CERKL: variants seen among roughly 807,000 people sequenced by gnomAD.
CERKL encodes the protein CERK like autophagy regulator.
CERKL carries 61 observed loss-of-function variants against 63.4 expected under a neutral mutation model. The ratio of observed to expected loss-of-function variants is 0.96; its 90% confidence interval spans 0.78 to 1.19. The LOEUF is 1.19. Ranked by LOEUF, CERKL falls within the 50% of genes most tolerant of loss-of-function variation. The pLI, the probability that CERKL is intolerant of heterozygous loss-of-function variation, is 0.00. For missense variants in CERKL, 675 were observed against 655.5 expected (o/e 1.03, Z -0.33); for synonymous variants, 250 against 230.5 (o/e 1.08, Z -0.77).
intron 2 of CERKL, among the ~76,000 whole-genome samples, chr2:181,574,348 T>C (rs1158908714): frequency 6.6e-6 from 1 of 152,200 alleles, no homozygotes; most frequent in African/African-American, 2.4e-5. Context: ...CCTGACCTAC[T>C]GATGAGTCCA....
rs1574077394 is a variant in CERKL at position 181,656,823 on chromosome 2, C to G, written c.184G>C (p.Val62Leu). 6.2e-6 allele frequency: 10 copies of G among 1,600,564 alleles called. No homozygotes were observed. Among genetic ancestry groups the G allele is most frequent in the Non-Finnish European group, 8.5e-6 (10 of 1,171,046 alleles). The stretch of plus-strand genomic sequence containing the variant: ...CACCGCAGTGCTCGCTCGCTCAGCA[C>G]CACGTCACAACTGTCCCTCCCGATC... ...FEIGRDSCDV[V>L]LSERALRWRP... The change falls in exon 1 of 13, where the codon GTG becomes CTG. Residue 62 changes from valine (V) to leucine (L), a missense_variant. By Grantham distance (32) the Val-to-Leu change is conservative (BLOSUM62 1). Transcript: ENST00000410087.
chr2:181,538,269 T>TCAA, intron 12 of CERKL, 25 bp from the exon 13 acceptor site: 1 of 1,441,698 alleles, frequency 6.9e-7, no homozygotes, highest in South Asian at 1.1e-5. Context: ...CATTATTTCA[T>TCAA]CAACTTATTT....
In CERKL at chr2:181,538,157, T is replaced by A. The variant is rs1355099052; in HGVS notation, c.*27A>T. The A allele has an allele frequency of 1.4e-6, 2 of 1,439,654 alleles. No individual in the cohort carries two copies. Among genetic ancestry groups the A allele is most frequent in the Admixed American group, 3.4e-5 (2 of 59,444 alleles). The allele number at this position is 1,439,654 out of a possible 1,614,324, so 89.2% of individuals were successfully genotyped here. A position where few individuals can be genotyped will look rare whatever the true frequency, so the allele number is the denominator to read the frequency against. ...TTCTTTATATTAAAATTCTAGTTTG[T>A]ACATTTCTTTTAGAAACAATTACAT... On this transcript the variant is annotated 3_prime_UTR_variant, in exon 13 of 13. Transcript: ENST00000410087.
Position 181,549,697 on chromosome 2 carries a change from C to T in CERKL, c.832G>A (p.Val278Ile). 1 of 1,611,230 alleles carries T rather than the reference C, an allele frequency of 6.2e-7. No individual in the cohort carries two copies. Among genetic ancestry groups the T allele is most frequent in the Non-Finnish European group, 8.5e-7 (1 of 1,177,654 alleles). ...ACTCCATGAAGAGAATGTGCCAATA[C>T]ATTGGTAGATCCTGCCAAAGCAATT... ...LGLIPAGSTN[V>I]LAHSLHGVPH... Residue 278 changes from valine to isoleucine, a missense_variant, in exon 6 of 13, where the codon GTA becomes ATA. Physicochemically the swap from Val to Ile is conservative, Grantham distance 29. Coordinates refer to ENST00000410087, the MANE Select transcript of CERKL (RefSeq NM_201548.5).
intron 1 of CERKL, among the ~76,000 whole-genome samples, chr2:181,613,145 T>C (rs1686044382): frequency 6.6e-6 from 1 of 152,192 alleles, no homozygotes; most frequent in Admixed American, 6.6e-5. Context: ...TTTATACCTT[T>C]AACCATCATC....
At chr2:181,651,694 A>G (rs1171953154) in intron 1 of CERKL, among the ~76,000 whole-genome samples, 3 of 152,200 alleles carry the variant, frequency 2.0e-5, no homozygotes, top group Non-Finnish European at 4.4e-5. Flanking sequence ...AGAAAGAAGT[A>G]ACGAGCATCC....
chr2:181,639,016 G>C (rs1403458811), intron 1 of CERKL, among the ~76,000 whole-genome samples: 1 of 152,118 alleles, frequency 6.6e-6, no homozygotes, highest in Non-Finnish European at 1.5e-5. Flanking sequence ...CTGTGGATGA[G>C]AAAATTTAAA....
intron 10 of CERKL, 128 bp from the exon 11 acceptor site, chr2:181,544,924 C>T: frequency 5.5e-6 from 3 of 549,916 alleles, no homozygotes; most frequent in Non-Finnish European, 9.6e-6. Flanking sequence ...GATAAATCAC[C>T]ATGTTACGTT....
intron 1 of CERKL, among the ~76,000 whole-genome samples, chr2:181,645,820 A>AAATGTGC (rs1405564278): frequency 6.6e-6 from 1 of 152,240 alleles, no homozygotes; most frequent in Non-Finnish European, 1.5e-5. Context: ...ACTCTAATAT[A>AAATGTGC]AATGTGCCAT....
intron 1 of CERKL, among the ~76,000 whole-genome samples, chr2:181,651,238 CA>C (rs1687925247): frequency 6.6e-6 from 1 of 152,156 alleles, no homozygotes; most frequent in Non-Finnish European, 1.5e-5. Context: ...AACTATAGTA[CA>C]ATATCCCTGA....
intron 1 of CERKL, among the ~76,000 whole-genome samples, chr2:181,649,237 A>G (rs1687798623): frequency 6.6e-6 from 1 of 152,220 alleles, no homozygotes; most frequent in Non-Finnish European, 1.5e-5. Flanking sequence ...CAGAATCCAA[A>G]AGTGAGCAGG....
At chr2:181,635,404 T>C (rs770855065) in intron 1 of CERKL, among the ~76,000 whole-genome samples, 1 of 152,134 alleles carries the variant, frequency 6.6e-6, no homozygotes, top group Non-Finnish European at 1.5e-5. Flanking sequence ...CAAAAATGTA[T>C]CCATGTTATT....
At chr2:181,649,487 A>G (rs1486179145) in intron 1 of CERKL, 1 of 152,252 alleles carries the variant, frequency 6.6e-6, no homozygotes, top group South Asian at 2.1e-4. Context: ...TGAATAAATT[A>G]TCTAGACATA....
At chr2:181,638,116 G>T (rs1408074530) in intron 1 of CERKL, among the ~76,000 whole-genome samples, 1 of 152,120 alleles carries the variant, frequency 6.6e-6, no homozygotes, top group Non-Finnish European at 1.5e-5. Flanking sequence ...TGAATTGGAA[G>T]TATCAGCATA....
chr2:181,595,654 C>T (rs16867452), intron 2 of CERKL, among the ~76,000 whole-genome samples: 30,689 of 152,084 alleles, frequency 0.2, 5,306 homozygotes, highest in African/African-American at 0.47. Flanking sequence ...CTACCATCTA[C>T]CGGTTGTTTA....
chr2:181,647,348 T>C (rs1687712918), intron 1 of CERKL, among the ~76,000 whole-genome samples: 1 of 152,034 alleles, frequency 6.6e-6, no homozygotes, highest in South Asian at 2.1e-4. Flanking sequence ...AGCTGGAAAA[T>C]CATACTTTCT....
At chr2:181,621,639 A>T (rs1362814177) in intron 1 of CERKL, among the ~76,000 whole-genome samples, 6 of 152,242 alleles carry the variant, frequency 3.9e-5, no homozygotes, top group Non-Finnish European at 8.8e-5. Context: ...CATAGTTAGT[A>T]CTATGATAAG....
At chr2:181,648,896 ACC>A (rs1687783511) in intron 1 of CERKL, among the ~76,000 whole-genome samples, 1 of 152,324 alleles carries the variant, frequency 6.6e-6, no homozygotes, top group South Asian at 2.1e-4. Context: ...GCCCCATGGT[ACC>A]CACAAAGAAA....
chr2:181,543,239 G>T (rs896142630), intron 11 of CERKL, among the ~76,000 whole-genome samples: 1 of 152,124 alleles, frequency 6.6e-6, no homozygotes, highest in African/African-American at 2.4e-5. Context: ...AAACAGCAAT[G>T]AATATATAGT....
Sources: gnomAD v4.1 joint callset for allele counts (sites outside exome capture counted in the v4.1 genomes callset) on GRCh38, gnomAD v4.1.1 for gene constraint, MANE v1.5 for transcripts, NCBI Gene and HGNC (gene_info 2026-07-23, HGNC 2026-07-21) for gene names.